The following LRSAM1 variants were observed in gnomAD, a reference collection of about 807,000 sequenced individuals.
The protein encoded by LRSAM1 is E3 ubiquitin-protein ligase LRSAM1.
Under a neutral mutation model 118.1 loss-of-function variants are expected in LRSAM1, and 96 were observed. The observed-to-expected ratio is 0.81, with a 90% CI of 0.69 to 0.96. LRSAM1 has a LOEUF of 0.96. LRSAM1 is among the 40% of genes least tolerant of loss of function. The probability of loss-of-function intolerance (pLI) is 0.00; values close to 1 mark genes in which losing one functional copy is unlikely to be tolerated. For missense variants in LRSAM1, 804 were observed against 915.5 expected (o/e 0.88, Z 1.57); for synonymous variants, 322 against 364.2 (o/e 0.88, Z 1.32).
intron 10 of LRSAM1, among the ~76,000 whole-genome samples, chr9:127,469,448 TGACA>T (rs1835081794): frequency 6.7e-6 from 1 of 148,414 alleles, no homozygotes; most frequent in African/African-American, 2.5e-5. Flanking sequence ...CCAGTCTGGA[TGACA>T]GAGCAAAACT....
Position 127,502,976 on chromosome 9 carries a change from G to A in LRSAM1, c.*77G>A, listed in dbSNP as rs1174095670. 6 of 1,540,118 alleles carry A rather than the reference G, an allele frequency of 3.9e-6. No homozygotes were observed. The Admixed American group carries it at 9.8e-5, about 25-fold the overall frequency. Reference sequence around the variant, plus strand: ...GCCCCGGGCTCCTGCTCAGCCTTGTGCCAGCCAGACTCGTATGAGGCTCCC... The same window carrying A: ...GCCCCGGGCTCCTGCTCAGCCTTGTACCAGCCAGACTCGTATGAGGCTCCC... On this transcript the variant is annotated 3_prime_UTR_variant, in exon 26 of 26. Transcript: ENST00000300417.
chr9:127,473,029 G>T (rs1835230522), intron 10 of LRSAM1, among the ~76,000 whole-genome samples: 1 of 152,146 alleles, frequency 6.6e-6, no homozygotes, highest in Admixed American at 6.5e-5. Flanking sequence ...TTCACAACCT[G>T]CGTAACATGA....
rs940535794 is a variant in LRSAM1, at chr9:127,452,824, G to T, written c.-33+740G>T. 2.0e-5 allele frequency among the ~76,000 whole-genome samples: 3 copies of T among 152,182 alleles called. No individual in the cohort carries two copies. In the South Asian group the frequency reaches 6.2e-4, roughly 32 times the overall value. On this transcript the variant is annotated intron_variant, in intron 2 of 25. Coordinates refer to ENST00000300417, the MANE Select transcript of LRSAM1 (RefSeq NM_001005373.4). ...TGCTGCTCACCATGCACTTCCCTGGGTGATTGCCTCCTGGCTCATTGCCAT... is the reference window on the plus strand; with the variant it reads ...TGCTGCTCACCATGCACTTCCCTGGTTGATTGCCTCCTGGCTCATTGCCAT...
At chr9:127,489,639 C>A (rs1321594136) in intron 19 of LRSAM1, 121 bp downstream of exon 19, 2 of 1,121,936 alleles carry the variant, frequency 1.8e-6, no homozygotes, top group Non-Finnish European at 2.6e-6. Flanking sequence ...GCTAGCCCAA[C>A]AAGAGGTCGA....
At chr9:127,481,303 A>G in intron 15 of LRSAM1, 76 bp downstream of exon 15, 1 of 1,504,912 alleles carries the variant, frequency 6.6e-7, no homozygotes, top group Non-Finnish European at 9.1e-7. Flanking sequence ...GCCAGGCTGG[A>G]GTGCAGTGGC....
chr9:127,481,689 A>G (rs1835544695), intron 15 of LRSAM1, among the ~76,000 whole-genome samples: 1 of 152,214 alleles, frequency 6.6e-6, no homozygotes, highest in African/African-American at 2.4e-5. Context: ...TCATTAAAAC[A>G]TACGTACACT....
intron 10 of LRSAM1, among the ~76,000 whole-genome samples, chr9:127,471,988 G>C (rs1835188463): frequency 6.6e-6 from 1 of 150,568 alleles, no homozygotes; most frequent in Admixed American, 6.6e-5. Context: ...TTTTGAGACA[G>C]AGTCTCACTG....
chr9:127,461,913 C>T (rs1834762039), intron 8 of LRSAM1, among the ~76,000 whole-genome samples: 1 of 152,346 alleles, frequency 6.6e-6, no homozygotes. Flanking sequence ...CATTGCTCAG[C>T]CATTACAGCA....
intron 23 of LRSAM1, 143 bp from the exon 24 acceptor site, chr9:127,497,110 G>C (rs773576870): frequency 6.4e-6 from 5 of 782,804 alleles, no homozygotes; most frequent in Non-Finnish European, 1.1e-5. Flanking sequence ...CCTGACCGTG[G>C]GCCCCGCCAG....
chr9:127,473,754 T>C (rs755620315), intron 10 of LRSAM1, 47 bp from the exon 11 acceptor site: 8 of 1,613,744 alleles, frequency 5.0e-6, no homozygotes, highest in Non-Finnish European at 5.9e-6. Flanking sequence ...TCTGGGTACC[T>C]CAGCTGTCTC....
At chr9:127,455,475 G>A in intron 4 of LRSAM1, 101 bp from the exon 5 acceptor site, 1 of 1,249,902 alleles carries the variant, frequency 8.0e-7, no homozygotes, top group Non-Finnish European at 1.2e-6. Context: ...TTTTGCCCTT[G>A]TTCACCTCCT....
chr9:127,502,997 CT>C lies in LRSAM1; in HGVS notation c.*99del. On this transcript the variant is annotated 3_prime_UTR_variant, in exon 26 of 26. Coordinates refer to ENST00000300417, the MANE Select transcript of LRSAM1 (RefSeq NM_001005373.4). ...TTGTGCCAGCCAGACTCGTATGAGG[CT>C]CCCCCCTGCCCTGGGCCCCTTCCCC... 1 of 1,492,098 alleles carries C rather than the reference CT, an allele frequency of 6.7e-7. No homozygotes were observed. The highest frequency in any genetic ancestry group is 9.1e-7 in the Non-Finnish European group (1 of 1,104,110). 92.4% of individuals were successfully genotyped at this position (1,492,098 alleles called of 1,614,324 possible).
chr9:127,481,278 G>A (rs372198512), intron 15 of LRSAM1, 51 bp downstream of exon 15: 2 of 1,565,404 alleles, frequency 1.3e-6, no homozygotes, highest in Admixed American at 3.4e-5. Flanking sequence ...TTTTGAGACG[G>A]AGTCCTGCAC....
chr9:127,459,165 T>C (rs1834640894), intron 7 of LRSAM1, 94 bp downstream of exon 7: 2 of 1,249,556 alleles, frequency 1.6e-6, no homozygotes, highest in African/African-American at 3.0e-5. Context: ...CTCCAGCCAG[T>C]GGAAGCAGGC....
chr9:127,454,203 C>G (rs1310216998), intron 2 of LRSAM1, among the ~76,000 whole-genome samples: 1 of 151,348 alleles, frequency 6.6e-6, no homozygotes, highest in African/African-American at 2.4e-5. Flanking sequence ...AGACGCTGTC[C>G]CTGACCCCGT....
chr9:127,488,923 G>A (rs1042185086), intron 18 of LRSAM1, among the ~76,000 whole-genome samples: 7 of 152,016 alleles, frequency 4.6e-5, no homozygotes, highest in South Asian at 4.2e-4. Flanking sequence ...GAGTCTTGCC[G>A]CTGCCTCCCT....
rs1040466959 is a variant in LRSAM1, at chr9:127,479,867, G to C, written c.932G>C (p.Ser311Thr). ...CAGTCCCGGCTGGAGCAGGGCCTGA[G>C]TGAGCACCAGCGCCACCTCAACGCA... ...EEQSRLEQGL[S>T]EHQRHLNAER... Residue 311 changes from serine (S) to threonine (T), a missense_variant, in exon 14 of 26, where the codon AGT (serine) becomes ACT (threonine). Coordinates refer to ENST00000300417, the MANE Select transcript of LRSAM1 (RefSeq NM_001005373.4). 1.9e-6 allele frequency: 3 copies of C among 1,612,336 alleles called. No individual in the cohort carries two copies. The African/African-American group carries it at 4.0e-5, about 22-fold the overall frequency.
At chr9:127,499,537 A>ATATATATAT (rs1392699385) in intron 24 of LRSAM1, among the ~76,000 whole-genome samples, 2 of 115,184 alleles carry the variant, frequency 1.7e-5, no homozygotes, top group African/African-American at 5.8e-5. Flanking sequence ...TCTAAAAAAA[A>ATATATATAT]ATATATATAT....
At chr9:127,489,251 G>C (rs1156243344) in intron 18 of LRSAM1, among the ~76,000 whole-genome samples, 193 bp from the exon 19 acceptor site, 1 of 152,214 alleles carries the variant, frequency 6.6e-6, no homozygotes, top group East Asian at 1.9e-4. Context: ...AAGTGCATCA[G>C]GTAGAGGCTG....
Sources: allele counts gnomAD v4.1 joint callset (sites outside exome capture counted in the v4.1 genomes callset), GRCh38; gene constraint gnomAD v4.1.1; transcripts MANE v1.5; gene names NCBI Gene and HGNC (gene_info 2026-07-23, HGNC 2026-07-21).